Variants in RSPO2 observed in about 807,000 individuals in gnomAD.
RSPO2 encodes the protein R-spondin-2.
Under a neutral mutation model 30.9 loss-of-function variants are expected in RSPO2, and 14 were observed. The observed-to-expected ratio is 0.45, with a 90% confidence interval of 0.30 to 0.71. RSPO2 has a LOEUF of 0.71. Ranked by LOEUF, RSPO2 falls within the 30% of genes least tolerant of loss-of-function variation. The pLI is 0.08. For missense variants in RSPO2, 264 were observed against 301.9 expected, an observed-to-expected ratio of 0.87 and a Z score of 0.93; for synonymous variants, 107 against 96.4, an observed-to-expected ratio of 1.11 and a Z score of -0.64.
intron 5 of RSPO2, among the ~76,000 whole-genome samples, chr8:107,931,142 TTAG>T (rs1812543409): frequency 6.6e-6 from 1 of 152,226 alleles, no homozygotes; most frequent in South Asian, 2.1e-4. Flanking sequence ...TTTAAACTGC[TTAG>T]TAAATTCTTA....
chr8:108,071,473 C>T (rs182793836), intron 2 of RSPO2, among the ~76,000 whole-genome samples: 8 of 152,232 alleles, frequency 5.3e-5, no homozygotes, highest in East Asian at 1.9e-4. Context: ...TTTCAAATTA[C>T]GTAGTTTCTT....
chr8:107,960,743 G>A lies in RSPO2; in HGVS notation c.358C>T (p.His120Tyr). ...CATTCATCAAAGCAACGGCCTCTAT[G>A]CAAATAAAAGCCTACTTTGCACTTG... Reference protein sequence around the residue: ...CTKCKVGFYLHRGRCFDECPD... With the variant: ...CTKCKVGFYLYRGRCFDECPD... The change falls in exon 4 of 6, where the codon CAT becomes TAT. Residue 120 changes from histidine (H) to tyrosine (Y), a missense_variant. By Grantham distance (83) the His-to-Tyr change is moderately conservative (BLOSUM62 2). Coordinates refer to ENST00000276659, the MANE Select transcript of RSPO2 (RefSeq NM_178565.5). 1 of 1,613,076 alleles carries A rather than the reference G, an allele frequency of 6.2e-7. No homozygotes were observed.
intron 5 of RSPO2, among the ~76,000 whole-genome samples, chr8:107,919,271 T>C (rs760093562): frequency 2.0e-5 from 3 of 152,136 alleles, no homozygotes; most frequent in Admixed American, 6.6e-5. Flanking sequence ...GGATTGAAAC[T>C]ACCATTGCAA....
At chr8:107,957,600 T>C (rs545051089) in intron 5 of RSPO2, among the ~76,000 whole-genome samples, 1 of 152,294 alleles carries the variant, frequency 6.6e-6, no homozygotes, top group Admixed American at 6.5e-5. Context: ...ATTAAGACAA[T>C]GTTTATTCCT....
chr8:107,999,591 C>T (rs1025814242), intron 2 of RSPO2, among the ~76,000 whole-genome samples: 1 of 152,060 alleles, frequency 6.6e-6, no homozygotes, highest in Non-Finnish European at 1.5e-5. Context: ...TGTGCCACCA[C>T]ACCCAGCTAA....
chr8:108,003,311 ATTTTTTTTT>A lies in RSPO2; in HGVS notation c.95-14076_95-14068del, dbSNP rs869040336. 3.6e-3 allele frequency among the ~76,000 whole-genome samples: 105 copies of A among 28,866 alleles called. 1 individual carries two copies. The highest frequency in any genetic ancestry group is 0.013 in the African/African-American group (98 of 7,700). 18.9% of individuals were successfully genotyped at this position (28,866 alleles called of 152,430 possible). ...TATATATATATATATATATATATAT[ATTTTTTTTT>A]TTTTTTTTTTTTTTTTTAAGTAGAG... On this transcript the variant is annotated intron_variant, in intron 2 of 5. Transcript: ENST00000276659.
At chr8:107,928,669 T>C (rs1267619189) in intron 5 of RSPO2, among the ~76,000 whole-genome samples, 3 of 152,244 alleles carry the variant, frequency 2.0e-5, no homozygotes, top group African/African-American at 4.8e-5. Context: ...CTTTGGAGAC[T>C]GAGCCTTGGT....
chr8:107,997,042 T>C (rs546050471), intron 2 of RSPO2: 2 of 357,058 alleles, frequency 5.6e-6, no homozygotes, highest in East Asian at 1.8e-4. Flanking sequence ...ATGATGCTGC[T>C]CAGTGCTGAA....
intron 5 of RSPO2, among the ~76,000 whole-genome samples, chr8:107,932,129 A>C (rs1218364030): frequency 6.6e-6 from 1 of 152,210 alleles, no homozygotes; most frequent in Non-Finnish European, 1.5e-5. Flanking sequence ...ATTTTGCATA[A>C]TAAATACCTA....
intron 2 of RSPO2, among the ~76,000 whole-genome samples, chr8:108,018,983 A>C (rs1055352431): frequency 6.6e-6 from 1 of 152,250 alleles, no homozygotes; most frequent in African/African-American, 2.4e-5. Context: ...AACACAACAT[A>C]GATCATTCTA....
chr8:107,940,429 T>C (rs1812862140), intron 5 of RSPO2, among the ~76,000 whole-genome samples: 1 of 152,160 alleles, frequency 6.6e-6, no homozygotes, highest in Non-Finnish European at 1.5e-5. Flanking sequence ...TATGGTTCTA[T>C]ATTTTTATTG....
intron 5 of RSPO2, among the ~76,000 whole-genome samples, chr8:107,910,123 T>G (rs531499963): frequency 6.6e-6 from 1 of 150,822 alleles, no homozygotes; most frequent in Non-Finnish European, 1.5e-5. Flanking sequence ...ATTAAGTTCC[T>G]CCATAGCTGA....
At chr8:107,949,639 T>C (rs144090202) in intron 5 of RSPO2, among the ~76,000 whole-genome samples, 204 of 152,278 alleles carry the variant, frequency 1.3e-3, no homozygotes, top group African/African-American at 4.6e-3. Flanking sequence ...AAAACTCTTA[T>C]GTTCTCACTT....
intron 3 of RSPO2, among the ~76,000 whole-genome samples, chr8:107,986,871 T>C (rs1388285605): frequency 6.6e-6 from 1 of 152,194 alleles, no homozygotes; most frequent in Non-Finnish European, 1.5e-5. Flanking sequence ...CTTTCCAAGG[T>C]GGAACATATC....
intron 2 of RSPO2, among the ~76,000 whole-genome samples, chr8:108,025,112 C>A (rs7007760): frequency 9.2e-5 from 14 of 152,118 alleles, no homozygotes; most frequent in African/African-American, 3.4e-4. Context: ...TATACACACA[C>A]ACACACAAGC....
At chr8:107,967,136 T>C (rs116986901) in intron 3 of RSPO2, among the ~76,000 whole-genome samples, 1,531 of 152,324 alleles carry the variant, frequency 0.01, 14 homozygotes, top group Non-Finnish European at 0.015. Context: ...TAGAAACCTC[T>C]AGAGATTTCT....
At chr8:107,963,397 G>T (rs1418003134) in intron 3 of RSPO2, among the ~76,000 whole-genome samples, 1 of 151,692 alleles carries the variant, frequency 6.6e-6, no homozygotes, top group African/African-American at 2.4e-5. Context: ...GGTGGTATGT[G>T]CCTGTTGGTC....
chr8:108,074,838 G>A (rs1267365109), intron 2 of RSPO2, among the ~76,000 whole-genome samples: 1 of 152,076 alleles, frequency 6.6e-6, no homozygotes, highest in East Asian at 1.9e-4. Context: ...TTCTGTATAC[G>A]TCAAACAGGT....
intron 5 of RSPO2, among the ~76,000 whole-genome samples, chr8:107,911,409 T>C (rs1374934231): frequency 6.6e-6 from 1 of 152,154 alleles, no homozygotes; most frequent in Non-Finnish European, 1.5e-5. Flanking sequence ...AACATGAGTC[T>C]GGGGCGTCAG....
Sources: allele counts gnomAD v4.1 joint callset (sites outside exome capture counted in the v4.1 genomes callset), GRCh38; gene constraint gnomAD v4.1.1; transcripts MANE v1.5; gene names NCBI Gene and HGNC (gene_info 2026-07-23, HGNC 2026-07-21).